PRDM16: variants seen among roughly 807,000 people sequenced by gnomAD.
The protein encoded by PRDM16 is histone-lysine N-methyltransferase PRDM16.
A neutral mutation model predicts 110.6 loss-of-function variants in PRDM16; 23 were observed. The ratio of observed to expected loss-of-function variants is 0.21; its 90% confidence interval spans 0.15 to 0.29. The LOEUF (loss-of-function observed/expected upper bound fraction) is 0.29, where lower values mean the gene tolerates loss of function less well. Among genes scored for constraint, PRDM16 ranks in the 10% least tolerant of loss-of-function variants. The pLI, the probability that PRDM16 is intolerant of heterozygous loss-of-function variation, is 1.00. For missense variants in PRDM16, 1,615 were observed against 1,794.3 expected, an observed-to-expected ratio of 0.90 and a Z score of 1.81; for synonymous variants, 799 against 781.8, an observed-to-expected ratio of 1.02 and a Z score of -0.37.
intron 8 of PRDM16, among the ~76,000 whole-genome samples, chr1:3,408,986 A>G (rs1643616892): frequency 7.2e-6 from 1 of 138,216 alleles, no homozygotes; most frequent in African/African-American, 2.8e-5. Flanking sequence ...CACGTGTGAG[A>G]GCATGTGAGG....
intron 3 of PRDM16, among the ~76,000 whole-genome samples, chr1:3,356,284 A>G (rs1642598622): frequency 1.3e-5 from 2 of 152,142 alleles, no homozygotes; most frequent in South Asian, 4.1e-4. Context: ...CCCTGCGCCA[A>G]GCCACCATCT....
intron 3 of PRDM16, among the ~76,000 whole-genome samples, chr1:3,261,119 A>C (rs1394421498): frequency 2.6e-5 from 2 of 75,736 alleles, no homozygotes; most frequent in African/African-American, 1.2e-4. Context: ...AACATGAGGC[A>C]TTAACAAGAA....
rs1237398843 is a variant in PRDM16, at chr1:3,359,408, C to T, written c.439-25744C>T. 6.6e-6 allele frequency among the ~76,000 whole-genome samples: 1 copy of T among 152,176 alleles called. No individual in the cohort carries two copies. The highest frequency in any genetic ancestry group is 6.5e-5 in the Admixed American group (1 of 15,280). ...GCCTGAGGCAGAGCTTCCAGAGACC[C>T]TGCACATGGAACACATTGGAAGCCC... On this transcript the variant is annotated intron_variant, in intron 3 of 16. Transcript: ENST00000270722. This position sits in a 1 kb window ranked among gnomAD's most constrained non-coding sequence, Gnocchi z 4.3.
chr1:3,381,850 CAGAG>C (rs1465274883), intron 3 of PRDM16, among the ~76,000 whole-genome samples: 1 of 152,204 alleles, frequency 6.6e-6, no homozygotes, highest in Non-Finnish European at 1.5e-5. Context: ...CAGAGACAGA[CAGAG>C]AGAAGCAGAG....
intron 1 of PRDM16, among the ~76,000 whole-genome samples, chr1:3,098,666 G>A (rs1293955325): frequency 6.6e-6 from 1 of 151,868 alleles, no homozygotes; most frequent in East Asian, 2.0e-4. Flanking sequence ...CAGTTTCTCT[G>A]GGGGATAAAA....
intron 1 of PRDM16, among the ~76,000 whole-genome samples, chr1:3,129,418 TGTGA>T (rs748044637): frequency 7.2e-5 from 11 of 151,848 alleles, no homozygotes; most frequent in Middle Eastern, 3.4e-3. Flanking sequence ...GGTGTGTGCT[TGTGA>T]GTGTGTGTAT....
intron 1 of PRDM16, among the ~76,000 whole-genome samples, chr1:3,171,897 C>T (rs992765681): frequency 6.6e-6 from 1 of 152,142 alleles, no homozygotes; most frequent in African/African-American, 2.4e-5. Context: ...AGCACAAAGT[C>T]CTGGAGCAGC....
chr1:3,291,791 T>C (rs900396604), intron 3 of PRDM16, among the ~76,000 whole-genome samples: 1 of 152,262 alleles, frequency 6.6e-6, no homozygotes, highest in Non-Finnish European at 1.5e-5. Flanking sequence ...GCAAGAGAGC[T>C]GCATTCCAGT....
At chr1:3,111,917 T>G (rs1365952291) in intron 1 of PRDM16, among the ~76,000 whole-genome samples, 4 of 152,194 alleles carry the variant, frequency 2.6e-5, no homozygotes, top group Non-Finnish European at 5.9e-5. Context: ...ATAAATCATG[T>G]ACTCGAAATT....
At position 3,438,279 on chromosome 1, in the gene PRDM16, T is replaced by C. The variant is rs533526674; in HGVS notation, c.*4468T>C. The C allele has an allele frequency of 5.0e-5, 10 of 200,696 alleles. No individual in the cohort carries two copies. Among genetic ancestry groups the C allele is most frequent in the Non-Finnish European group, 9.3e-5 (9 of 97,242 alleles). 12.4% of individuals were successfully genotyped at this position (200,696 alleles called of 1,614,324 possible). The stretch of plus-strand genomic sequence containing the variant: ...AAGGAAAATTCTGTAGATGCACTTA[T>C]TGAATATGTGATTAGGATCTACGTC... On this transcript the variant is annotated 3_prime_UTR_variant, in exon 17 of 17. Transcript: ENST00000270722.
At chr1:3,159,602 C>T (rs1329464684) in intron 1 of PRDM16, among the ~76,000 whole-genome samples, 3 of 152,204 alleles carry the variant, frequency 2.0e-5, no homozygotes, top group African/African-American at 7.2e-5. Flanking sequence ...ATTCTGATAT[C>T]CTGGGGATTG....
rs1386646492 is a variant in PRDM16, at chr1:3,425,172, G to C, written c.2940-409G>C. On this transcript the variant is annotated intron_variant, in intron 12 of 16. Coordinates refer to ENST00000270722, the MANE Select transcript of PRDM16 (RefSeq NM_022114.4). This position sits in a 1 kb window ranked among gnomAD's most constrained non-coding sequence, Gnocchi z 6.9. ...GGCTCACTGCAAGCTCCGCCTCCCG[G>C]GTTCACGCCATTCTCCTGCCTCAGC... 6.4e-6 allele frequency: 1 copy of C among 156,750 alleles called. No individual in the cohort carries two copies. The highest frequency in any genetic ancestry group is 1.4e-5 in the Non-Finnish European group (1 of 70,872). 9.7% of individuals were successfully genotyped at this position (156,750 alleles called of 1,614,324 possible).
chr1:3,386,308 T>A (rs1413477078), intron 4 of PRDM16, among the ~76,000 whole-genome samples: 1 of 152,252 alleles, frequency 6.6e-6, no homozygotes, highest in Non-Finnish European at 1.5e-5. Context: ...CATTCCCGCG[T>A]AGCCTGTGCA....
intron 2 of PRDM16, among the ~76,000 whole-genome samples, chr1:3,196,726 G>A (rs576070418): frequency 1.3e-5 from 2 of 152,338 alleles, no homozygotes; most frequent in South Asian, 2.1e-4. Flanking sequence ...TCTGAGAAGC[G>A]ATCATTGTGG....
rs1638843406 is a variant in PRDM16, at chr1:3,433,981, T to C, written c.*170T>C. On this transcript the variant is annotated 3_prime_UTR_variant, in exon 17 of 17. Transcript: ENST00000270722. ...CCAATGGAAACTCAGATCCCAAAAG[T>C]CCCTAAAGCAGTCGTAGAGTCTCAC... The C allele has an allele frequency of 4.4e-6, 3 of 678,786 alleles. No homozygotes were observed. The highest frequency in any genetic ancestry group is 4.9e-6 in the Non-Finnish European group (2 of 410,064). The allele number at this position is 678,786 out of a possible 1,614,324, so 42.0% of individuals were successfully genotyped here.
intron 3 of PRDM16, among the ~76,000 whole-genome samples, chr1:3,322,816 G>A (rs1641791954): frequency 6.6e-6 from 1 of 152,230 alleles, no homozygotes; most frequent in South Asian, 2.1e-4. Context: ...CACCCTGTTC[G>A]TGCCCCAGGA....
chr1:3,344,335 A>G (rs759612479), intron 3 of PRDM16, among the ~76,000 whole-genome samples: 2 of 152,122 alleles, frequency 1.3e-5, no homozygotes, highest in Non-Finnish European at 1.5e-5. Flanking sequence ...AAGCCTATCT[A>G]GGGACTTGTT....
At chr1:3,199,940 G>A (rs1557523840) in intron 2 of PRDM16, among the ~76,000 whole-genome samples, 1 of 152,248 alleles carries the variant, frequency 6.6e-6, no homozygotes, top group Non-Finnish European at 1.5e-5. Context: ...ATGTCCTTGT[G>A]TTCCGTCTCT....
At chr1:3,133,390 G>A (rs545910438) in intron 1 of PRDM16, 4 of 152,472 alleles carry the variant, frequency 2.6e-5, no homozygotes, top group Admixed American at 2.0e-4. Flanking sequence ...GATCTTCTCA[G>A]CAGAGGGCAG....
Sources: allele counts gnomAD v4.1 joint callset (sites outside exome capture counted in the v4.1 genomes callset), GRCh38; gene constraint gnomAD v4.1.1; non-coding constraint Gnocchi (gnomAD v3.1); transcripts MANE v1.5; gene names NCBI Gene and HGNC (gene_info 2026-07-23, HGNC 2026-07-21).